GLRB: variants seen among roughly 807,000 people sequenced by gnomAD.
GLRB encodes glycine receptor beta.
GLRB carries 33 observed loss-of-function variants against 54.2 expected under a neutral mutation model. The observed-to-expected ratio is 0.61, with a 90% CI of 0.46 to 0.81. GLRB has a LOEUF of 0.81. GLRB is among the 40% of genes least tolerant of loss of function. The pLI is 0.00. For synonymous variants in GLRB, 209 were observed against 208.2 expected (o/e 1.00, Z -0.03); for missense variants, 572 against 584.6 (o/e 0.98, Z 0.22).
intron 2 of GLRB, among the ~76,000 whole-genome samples, chr4:157,116,387 T>G (rs910777016): frequency 6.6e-6 from 1 of 151,814 alleles, no homozygotes; most frequent in African/African-American, 2.4e-5. Context: ...TGTTGATAGA[T>G]TTCTTAAAAT....
intron 4 of GLRB, among the ~76,000 whole-genome samples, chr4:157,132,028 G>A (rs922227488): frequency 6.6e-6 from 1 of 151,788 alleles, no homozygotes; most frequent in African/African-American, 2.4e-5. Flanking sequence ...TATCAACAAT[G>A]AATGAGTTTT....
At chr4:157,093,897 T>A (rs1734711878) in intron 2 of GLRB, among the ~76,000 whole-genome samples, 1 of 152,172 alleles carries the variant, frequency 6.6e-6, no homozygotes, top group African/African-American at 2.4e-5. Flanking sequence ...AGGCATTTAC[T>A]TTCTCATATA....
At position 157,122,389 on chromosome 4, in the gene GLRB, A is replaced by T. The variant is rs1735858344; in HGVS notation, c.289A>T (p.Thr97Ser). Residue 97 changes from threonine (T) to serine (S), a missense_variant, in exon 4 of 10, where the codon ACA (threonine) becomes TCA (serine). By Grantham distance (58) the Thr-to-Ser change is moderately conservative (BLOSUM62 1). Coordinates refer to ENST00000264428, the MANE Select transcript of GLRB (RefSeq NM_000824.5). ...FINSFGSIQE[T>S]TMDYRVNIFL... ...TAACAGTTTTGGATCCATTCAAGAAACAACAATGGTAAGATTGCAATTAAT... is the reference window on the plus strand; with the variant it reads ...TAACAGTTTTGGATCCATTCAAGAATCAACAATGGTAAGATTGCAATTAAT... 2 of 1,211,348 alleles carry T rather than the reference A, an allele frequency of 1.7e-6. No homozygotes were observed. Among genetic ancestry groups the T allele is most frequent in the South Asian group, 1.3e-5 (1 of 76,404 alleles). The allele number at this position is 1,211,348 out of a possible 1,614,324, so 75.0% of individuals were successfully genotyped here.
intron 2 of GLRB, among the ~76,000 whole-genome samples, chr4:157,082,964 T>TTATATATATATATATATA (rs58330518): frequency 2.9e-4 from 40 of 139,638 alleles, no homozygotes; most frequent in African/African-American, 8.9e-4. Context: ...GAATAGTGTT[T>TTATATATATATATATATA]TATATATATA....
intron 4 of GLRB, among the ~76,000 whole-genome samples, chr4:157,123,801 C>T (rs1197721159): frequency 6.6e-6 from 1 of 151,632 alleles, no homozygotes; most frequent in Non-Finnish European, 1.5e-5. Context: ...TTATCTAGCA[C>T]GACACCACTA....
chr4:157,078,787 T>G (rs1734129784), intron 2 of GLRB, among the ~76,000 whole-genome samples: 1 of 152,198 alleles, frequency 6.6e-6, no homozygotes, highest in Admixed American at 6.5e-5. Flanking sequence ...TGTTTATTTT[T>G]TTTAGATGAA....
At chr4:157,108,823 T>C (rs1430795717) in intron 2 of GLRB, among the ~76,000 whole-genome samples, 2 of 152,060 alleles carry the variant, frequency 1.3e-5, no homozygotes, top group African/African-American at 4.8e-5. Flanking sequence ...ACATCTGCCA[T>C]ACAAGGAAGA....
intron 2 of GLRB, among the ~76,000 whole-genome samples, chr4:157,086,864 G>T (rs767886216): frequency 1.3e-5 from 2 of 151,950 alleles, no homozygotes; most frequent in African/African-American, 4.8e-5. Context: ...AGATCTCATG[G>T]GCCTATGATT....
intron 8 of GLRB, among the ~76,000 whole-genome samples, chr4:157,145,939 G>C (rs1396951160): frequency 3.3e-5 from 5 of 152,044 alleles, no homozygotes; most frequent in Admixed American, 1.3e-4. Context: ...GTCAAAGGGA[G>C]AGTAGTGGGA....
intron 8 of GLRB, among the ~76,000 whole-genome samples, chr4:157,151,447 A>G (rs1737019051): frequency 6.6e-6 from 1 of 152,078 alleles, no homozygotes; most frequent in Non-Finnish European, 1.5e-5. Flanking sequence ...CTTTTAAAAT[A>G]CAATTCTCTT....
At chr4:157,082,297 C>T (rs867225407) in intron 2 of GLRB, among the ~76,000 whole-genome samples, 7 of 152,092 alleles carry the variant, frequency 4.6e-5, no homozygotes, top group Admixed American at 2.0e-4. Context: ...TCTGTGCCCC[C>T]ACAGTTCCCC....
At chr4:157,088,946 C>G (rs971246904) in intron 2 of GLRB, among the ~76,000 whole-genome samples, 1 of 152,132 alleles carries the variant, frequency 6.6e-6, no homozygotes, top group Non-Finnish European at 1.5e-5. Context: ...ATGGCCTATA[C>G]TTTTTGAGCT....
At chr4:157,146,388 C>A (rs896698408) in intron 8 of GLRB, among the ~76,000 whole-genome samples, 9 of 151,670 alleles carry the variant, frequency 5.9e-5, no homozygotes, top group Non-Finnish European at 7.4e-5. Flanking sequence ...TAAATTTTAA[C>A]CAGATCTCTT....
chr4:157,141,885 A>C (rs370952113), intron 7 of GLRB, among the ~76,000 whole-genome samples: 1 of 152,098 alleles, frequency 6.6e-6, no homozygotes, highest in East Asian at 1.9e-4. Context: ...TGAATGGACT[A>C]TCATTTAAAC....
chr4:157,130,788 A>G (rs376658700), intron 4 of GLRB, among the ~76,000 whole-genome samples: 28 of 151,722 alleles, frequency 1.8e-4, no homozygotes, highest in African/African-American at 6.7e-4. Context: ...GCTGAATCAT[A>G]TAGAAATTCT....
At chr4:157,137,023 G>A (rs1046452959) in intron 6 of GLRB, 137 bp downstream of exon 6, 67 of 644,866 alleles carry the variant, frequency 1.0e-4, no homozygotes, top group African/African-American at 9.3e-4. Flanking sequence ...AATTTATTTA[G>A]GGAAATTATA....
chr4:157,130,012 AT>A (rs1009437077), intron 4 of GLRB, among the ~76,000 whole-genome samples: 1 of 151,684 alleles, frequency 6.6e-6, no homozygotes, highest in Non-Finnish European at 1.5e-5. Context: ...CATGAAGGAT[AT>A]TTCCTAATAA....
At chr4:157,146,802 CAG>C (rs1474332273) in intron 8 of GLRB, among the ~76,000 whole-genome samples, 4 of 151,284 alleles carry the variant, frequency 2.6e-5, no homozygotes, top group Non-Finnish European at 1.5e-5. Flanking sequence ...GCCTGGGCAA[CAG>C]AGTGAGACTC....
intron 6 of GLRB, among the ~76,000 whole-genome samples, chr4:157,137,748 CTGTT>C (rs1490963517): frequency 6.6e-6 from 1 of 152,110 alleles, no homozygotes; most frequent in Non-Finnish European, 1.5e-5. Context: ...TTGCACATGT[CTGTT>C]TATGTTTTTG....
Sources: gnomAD v4.1 joint callset for allele counts (sites outside exome capture counted in the v4.1 genomes callset) on GRCh38, gnomAD v4.1.1 for gene constraint, MANE v1.5 for transcripts, NCBI Gene and HGNC (gene_info 2026-07-23, HGNC 2026-07-21) for gene names.